PTCSC3: variants seen among roughly 807,000 people sequenced by gnomAD.
The protein encoded by PTCSC3 is papillary thyroid carcinoma susceptibility candidate 3 (non-protein coding).
chr14:36,154,864 A>G (rs1881797258), intron 2 of PTCSC3, among the ~76,000 whole-genome samples: 1 of 152,222 alleles, frequency 6.6e-6, no homozygotes. Flanking sequence ...TAATTTCAAC[A>G]TTACCATTTG....
At chr14:36,171,678 C>A (rs540203104) in intron 1 of PTCSC3, among the ~76,000 whole-genome samples, 6 of 151,996 alleles carry the variant, frequency 3.9e-5, no homozygotes, top group Admixed American at 6.6e-5. Flanking sequence ...GTTTCAACCC[C>A]GGGGGAAAAT....
At chr14:36,169,192 G>C (rs1882149628) in intron 1 of PTCSC3, among the ~76,000 whole-genome samples, 1 of 151,952 alleles carries the variant, frequency 6.6e-6, no homozygotes. Context: ...ACTCAGCTGT[G>C]GGACAAACAT....
chr14:36,173,965 C>T (rs1882235591), intron 1 of PTCSC3, among the ~76,000 whole-genome samples: 1 of 151,984 alleles, frequency 6.6e-6, no homozygotes, highest in South Asian at 2.1e-4. Flanking sequence ...TTGTTTTTGT[C>T]CCATTGTATA....
chr14:36,155,960 T>C (rs1217858991), intron 2 of PTCSC3, among the ~76,000 whole-genome samples: 1 of 152,228 alleles, frequency 6.6e-6, no homozygotes, highest in African/African-American at 2.4e-5. Context: ...CTGCATCCAA[T>C]AGATTGTATC....
intron 2 of PTCSC3, among the ~76,000 whole-genome samples, chr14:36,157,806 A>G (rs553099372): frequency 1.3e-5 from 2 of 152,286 alleles, no homozygotes; most frequent in South Asian, 4.1e-4. Context: ...ATGTAATGGT[A>G]GCTTGATGGG....
At chr14:36,173,304 A>G (rs1882221241) in intron 1 of PTCSC3, among the ~76,000 whole-genome samples, 1 of 152,132 alleles carries the variant, frequency 6.6e-6, no homozygotes, top group Admixed American at 6.5e-5. Flanking sequence ...AACTCTACAC[A>G]TATTAGATGA....
intron 3 of PTCSC3, among the ~76,000 whole-genome samples, chr14:36,146,481 C>A (rs1881570741): frequency 6.6e-6 from 1 of 151,114 alleles, no homozygotes; most frequent in African/African-American, 2.4e-5. Context: ...ACTAGGATTG[C>A]AACCCCTGCC....
At chr14:36,152,879 G>A (rs963577893) in intron 3 of PTCSC3, among the ~76,000 whole-genome samples, 14 of 149,298 alleles carry the variant, frequency 9.4e-5, no homozygotes, top group African/African-American at 3.2e-4. Flanking sequence ...GGGCAACAGA[G>A]CGAGACTCCA....
chr14:36,135,295 G>T (rs1447432483), downstream of PTCSC3, among the ~76,000 whole-genome samples: 1 of 152,150 alleles, frequency 6.6e-6, no homozygotes, highest in African/African-American at 2.4e-5. Context: ...GCATGTGTGT[G>T]TTTTCATGGT....
chr14:36,158,063 T>C (rs1016032878), intron 2 of PTCSC3, among the ~76,000 whole-genome samples: 2 of 152,272 alleles, frequency 1.3e-5, no homozygotes, highest in East Asian at 1.9e-4. Context: ...TTTTCTATTA[T>C]TGGTGTATAG....
chr14:36,146,379 G>T (rs1881567656), intron 3 of PTCSC3, among the ~76,000 whole-genome samples: 1 of 150,490 alleles, frequency 6.6e-6, no homozygotes, highest in African/African-American at 2.4e-5. Flanking sequence ...AGGATAGTTA[G>T]CTCTTCTTGT....
chr14:36,171,759 C>T (rs890213921), intron 1 of PTCSC3, among the ~76,000 whole-genome samples: 2 of 152,172 alleles, frequency 1.3e-5, no homozygotes, highest in African/African-American at 4.8e-5. Context: ...GTTTAAGAAA[C>T]GTTTTGCCAC....
intron 3 of PTCSC3, among the ~76,000 whole-genome samples, chr14:36,152,596 C>A (rs755455611): frequency 6.6e-6 from 1 of 152,032 alleles, no homozygotes; most frequent in East Asian, 1.9e-4. Context: ...ATGAGAACTA[C>A]GACAACAACA....
intron 1 of PTCSC3, among the ~76,000 whole-genome samples, chr14:36,174,209 A>G (rs1431630582): frequency 2.6e-5 from 4 of 151,804 alleles, no homozygotes; most frequent in South Asian, 4.1e-4. Context: ...CTAGGACTCA[A>G]TTACCTGTAA....
chr14:36,152,005 TAAG>T (rs1019730573), intron 3 of PTCSC3, among the ~76,000 whole-genome samples: 4 of 152,342 alleles, frequency 2.6e-5, no homozygotes, highest in African/African-American at 7.2e-5. Flanking sequence ...CTGATGGATC[TAAG>T]AAGATTTGTT....
At chr14:36,172,941 G>A (rs1190601822) in intron 1 of PTCSC3, among the ~76,000 whole-genome samples, 1 of 149,682 alleles carries the variant, frequency 6.7e-6, no homozygotes, top group Admixed American at 6.6e-5. Flanking sequence ...CTTAAAACTT[G>A]CTTTGTTTTT....
chr14:36,151,404 T>C (rs1392449911), intron 3 of PTCSC3, among the ~76,000 whole-genome samples: 1 of 152,148 alleles, frequency 6.6e-6, no homozygotes, highest in Non-Finnish European at 1.5e-5. Context: ...GCTTTCTCGA[T>C]CTTTGGCTTG....
At chr14:36,168,642 G>T (rs188494405) in intron 1 of PTCSC3, among the ~76,000 whole-genome samples, 1 of 151,996 alleles carries the variant, frequency 6.6e-6, no homozygotes, top group Admixed American at 6.6e-5. Context: ...TAGAGATGGG[G>T]CCTTGCTCTG....
In PTCSC3 at chr14:36,145,561, A is replaced by C. The variant is rs369809197; in HGVS notation, n.322+8243T>G. Among the ~76,000 whole-genome samples the C allele has an allele frequency of 1.7e-3, 221 of 133,766 alleles. 6 individuals carry two copies. The East Asian group carries it at 0.043, about 26-fold the overall frequency. 87.8% of individuals were successfully genotyped at this position (133,766 alleles called of 152,430 possible). A position where few individuals can be genotyped will look rare whatever the true frequency, so the allele number is the denominator to read the frequency against. ...TTGATTCTTCTCTCTTTTTTTCTTT[A>C]TTAGTCTTGCTAGCGGTCTATCAAT... On this transcript the variant is annotated intron_variant and non_coding_transcript_variant, in intron 3 of 3. Coordinates refer to ENST00000556013, the Ensembl canonical transcript of PTCSC3.
Sources: allele counts gnomAD v4.1 joint callset (sites outside exome capture counted in the v4.1 genomes callset), GRCh38; gene constraint gnomAD v4.1.1; transcripts MANE v1.5; gene names NCBI Gene and HGNC (gene_info 2026-07-23, HGNC 2026-07-21).